Variants in CLIC5 observed in about 807,000 individuals in gnomAD.
CLIC5 encodes CLIC family member 5.
Under a neutral mutation model 24.7 loss-of-function variants are expected in CLIC5, and 20 were observed. The ratio of observed to expected loss-of-function variants is 0.81; its 90% CI spans 0.57 to 1.18. The LOEUF (loss-of-function observed/expected upper bound fraction) is 1.18, where lower values mean the gene tolerates loss of function less well. Ranked by LOEUF, CLIC5 falls within the 50% of genes most tolerant of loss-of-function variation. The pLI is 0.00. For synonymous variants in CLIC5, 159 were observed against 135.6 expected, an observed-to-expected ratio of 1.17 and a Z score of -1.20; for missense variants, 341 against 326.1, an observed-to-expected ratio of 1.05 and a Z score of -0.35.
intron 4 of CLIC5, among the ~76,000 whole-genome samples, chr6:45,924,381 C>T (rs1763394075): frequency 6.6e-6 from 1 of 152,172 alleles, no homozygotes; most frequent in African/African-American, 2.4e-5. Flanking sequence ...GGACCTCCCT[C>T]CCCCTTGCTC....
At chr6:45,935,955 G>T (rs1424978351) in intron 4 of CLIC5, among the ~76,000 whole-genome samples, 1 of 151,778 alleles carries the variant, frequency 6.6e-6, no homozygotes, top group African/African-American at 2.4e-5. Context: ...CAACAATAAA[G>T]CTTGCTTTCC....
intron 1 of CLIC5, among the ~76,000 whole-genome samples, chr6:45,973,977 G>A (rs1765291116): frequency 6.6e-6 from 1 of 151,786 alleles, no homozygotes; most frequent in Non-Finnish European, 1.5e-5. Context: ...ATAACCATAT[G>A]ATAGAATAGT....
intron 1 of CLIC5, among the ~76,000 whole-genome samples, chr6:45,965,803 A>AT (rs1469182225): frequency 1.3e-5 from 2 of 151,274 alleles, no homozygotes; most frequent in East Asian, 3.8e-4. Flanking sequence ...CATTTTTCTT[A>AT]TTTGTTATCC....
intron 1 of CLIC5, among the ~76,000 whole-genome samples, chr6:45,984,534 T>G (rs1311355901): frequency 6.6e-6 from 1 of 152,192 alleles, no homozygotes; most frequent in Non-Finnish European, 1.5e-5. Flanking sequence ...CAGTTTTGTT[T>G]TGAGGTTCTA....
intron 1 of CLIC5, among the ~76,000 whole-genome samples, chr6:46,057,728 TCC>T (rs1338232696): frequency 6.6e-6 from 1 of 152,184 alleles, no homozygotes; most frequent in African/African-American, 2.4e-5. Context: ...ACCAGAACCA[TCC>T]CCACCCCTAC....
rs142696513 is a variant in CLIC5 at position 45,882,466 on chromosome 6, T to C, written c.624-1278A>G. ...CTTGGCAGAACTTCCTTAGCTGTTC[T>C]TCTTTAACCCTGTGACTCCAAGCCT... On this transcript the variant is annotated intron_variant, in intron 6 of 6. Coordinates refer to the CLIC5 transcript ENST00000644324. 5.5e-3 allele frequency among the ~76,000 whole-genome samples: 842 copies of C among 152,384 alleles called. 3 individuals are homozygous for C. Among genetic ancestry groups the C allele is most frequent in the Middle Eastern group, 0.027 (8 of 294 alleles).
intron 1 of CLIC5, among the ~76,000 whole-genome samples, chr6:45,956,240 G>T (rs576911188): frequency 1.7e-4 from 26 of 152,286 alleles, no homozygotes; most frequent in Non-Finnish European, 3.4e-4. Context: ...ATTGGTCTCT[G>T]TAGAATTCAT....
chr6:46,096,272 C>T, the CLIC5 span, among the ~76,000 whole-genome samples: 1 of 152,196 alleles, frequency 6.6e-6, no homozygotes, highest in Non-Finnish European at 1.5e-5. Flanking sequence ...CTGGGGATTA[C>T]AATTTGACAT....
At position 46,041,184 on chromosome 6, in the gene CLIC5, G is replaced by A. The variant is rs186919115; in HGVS notation, c.540+38519C>T. 1.1e-3 allele frequency among the ~76,000 whole-genome samples: 173 copies of A among 152,280 alleles called. 2 individuals carry two copies. The highest frequency in any genetic ancestry group is 1.4e-3 in the Non-Finnish European group (96 of 68,010). On this transcript the variant is annotated intron_variant, in intron 1 of 5. Coordinates refer to the CLIC5 transcript ENST00000185206. ...GTGTTCAGAGAGTGTGCATTTGTGT[G>A]CTTTTACCAAATAACAGAAGAAAAT...
intron 4 of CLIC5, among the ~76,000 whole-genome samples, chr6:45,936,422 C>G (rs978512950): frequency 6.6e-6 from 1 of 152,006 alleles, no homozygotes; most frequent in African/African-American, 2.4e-5. Flanking sequence ...TCAGGCTGGT[C>G]TCGAACTCCC....
At chr6:46,084,166 T>A (rs552539314), upstream of CLIC5, among the ~76,000 whole-genome samples, 692 of 152,204 alleles carry the variant, frequency 4.5e-3, 1 homozygote, top group Admixed American at 9.2e-3. Context: ...AGCCTATGTA[T>A]GTCTCTGCAT....
intron 5 of CLIC5, chr6:45,911,969 G>C: frequency 4.1e-6 from 4 of 985,598 alleles, no homozygotes; most frequent in Non-Finnish European, 3.6e-6. Flanking sequence ...GAGCAACTCT[G>C]CTTCCAGGGA....
At chr6:45,942,377 G>T (rs907994009) in intron 3 of CLIC5, among the ~76,000 whole-genome samples, 1 of 152,138 alleles carries the variant, frequency 6.6e-6, no homozygotes, top group Non-Finnish European at 1.5e-5. Flanking sequence ...GAGTTAGAAC[G>T]ATTGGCCTTG....
the CLIC5 span, among the ~76,000 whole-genome samples, chr6:46,103,189 C>T: frequency 6.6e-6 from 1 of 152,106 alleles, no homozygotes. Flanking sequence ...TAATTAAGAT[C>T]TTCAAGCAAA....
chr6:46,094,975 A>G, the CLIC5 span, among the ~76,000 whole-genome samples: 1 of 152,164 alleles, frequency 6.6e-6, no homozygotes, highest in Admixed American at 6.5e-5. Flanking sequence ...TAGAGCCTCA[A>G]CTTTTGCACT....
intron 1 of CLIC5, among the ~76,000 whole-genome samples, chr6:46,064,325 AGATAGT>A (rs1165751711): frequency 1.3e-5 from 2 of 152,130 alleles, no homozygotes; most frequent in African/African-American, 4.8e-5. Context: ...TCTCTAGTAA[AGATAGT>A]TTTACTAGTG....
intron 1 of CLIC5, among the ~76,000 whole-genome samples, chr6:45,966,556 T>C (rs1265644666): frequency 6.6e-6 from 1 of 152,228 alleles, no homozygotes; most frequent in African/African-American, 2.4e-5. Flanking sequence ...GACCTCACTG[T>C]AGACTTGCAG....
the CLIC5 span, among the ~76,000 whole-genome samples, chr6:46,114,894 A>G: frequency 6.6e-6 from 1 of 152,116 alleles, no homozygotes; most frequent in African/African-American, 2.4e-5. Flanking sequence ...TATGGAGGTC[A>G]TGGGTGGCTA....
intron 1 of CLIC5, among the ~76,000 whole-genome samples, chr6:46,071,264 G>T (rs1261189250): frequency 6.6e-6 from 1 of 152,004 alleles, no homozygotes; most frequent in Non-Finnish European, 1.5e-5. Context: ...AACAGCAAAA[G>T]AAACTATCAA....
Sources: gnomAD v4.1 joint callset for allele counts (sites outside exome capture counted in the v4.1 genomes callset) on GRCh38, gnomAD v4.1.1 for gene constraint, MANE v1.5 for transcripts, NCBI Gene and HGNC (gene_info 2026-07-23, HGNC 2026-07-21) for gene names.